Variants in RNGTT observed in about 807,000 individuals in gnomAD.
RNGTT encodes RNA guanylyltransferase and 5'-phosphatase.
Under a neutral mutation model 79.3 loss-of-function variants are expected in RNGTT, and 33 were observed. The observed-to-expected ratio is 0.42, with a 90% confidence interval of 0.32 to 0.56. The LOEUF (loss-of-function observed/expected upper bound fraction) is 0.56. Among genes scored for constraint, RNGTT ranks in the 20% least tolerant of loss-of-function variants. The pLI, the probability that RNGTT is intolerant of heterozygous loss-of-function variation, is 0.17. For synonymous variants in RNGTT, 222 were observed against 235.9 expected (o/e 0.94, Z 0.54); for missense variants, 497 against 739.1 (o/e 0.67, Z 3.80).
At chr6:88,900,227 C>T (rs1352351788) in intron 6 of RNGTT, among the ~76,000 whole-genome samples, 1 of 151,108 alleles carries the variant, frequency 6.6e-6, no homozygotes, top group Non-Finnish European at 1.5e-5. Context: ...ATTAGTTTTA[C>T]TTTTTATTTG....
chr6:88,749,559 G>A (rs1777776329), intron 13 of RNGTT, among the ~76,000 whole-genome samples: 1 of 151,698 alleles, frequency 6.6e-6, no homozygotes, highest in African/African-American at 2.4e-5. Flanking sequence ...AAAATAAGAT[G>A]GCAAAAATTC....
chr6:88,619,283 A>G (rs1484696562), intron 14 of RNGTT, among the ~76,000 whole-genome samples: 4 of 152,054 alleles, frequency 2.6e-5, no homozygotes, highest in Admixed American at 2.6e-4. Context: ...CTCCCGCCTC[A>G]GCCTCCCAAG....
intron 6 of RNGTT, among the ~76,000 whole-genome samples, chr6:88,897,017 G>A (rs1402875071): frequency 6.6e-6 from 1 of 152,064 alleles, no homozygotes; most frequent in African/African-American, 2.4e-5. Context: ...CATTGATTGA[G>A]TGCCGACAGC....
At chr6:88,667,040 A>G (rs1774439276) in intron 14 of RNGTT, among the ~76,000 whole-genome samples, 1 of 152,166 alleles carries the variant, frequency 6.6e-6, no homozygotes, top group Non-Finnish European at 1.5e-5. Flanking sequence ...GGTGGCAGTA[A>G]TGCATTGTAA....
At chr6:88,725,888 A>G (rs1361837055) in intron 13 of RNGTT, among the ~76,000 whole-genome samples, 1 of 152,092 alleles carries the variant, frequency 6.6e-6, no homozygotes, top group Non-Finnish European at 1.5e-5. Context: ...AGCAAAGAGG[A>G]AAGAGAAACT....
chr6:88,763,023 C>G (rs1778321879), intron 13 of RNGTT, among the ~76,000 whole-genome samples: 1 of 151,252 alleles, frequency 6.6e-6, no homozygotes, highest in African/African-American at 2.4e-5. Flanking sequence ...TCCCCAGGCT[C>G]AGGTGTTCCT....
chr6:88,749,265 C>A (rs1476556113), intron 13 of RNGTT, among the ~76,000 whole-genome samples: 1 of 151,910 alleles, frequency 6.6e-6, no homozygotes, highest in African/African-American at 2.4e-5. Flanking sequence ...GAAAAGCAAT[C>A]AAATATTGAC....
At chr6:88,877,414 T>C (rs1782551790) in intron 8 of RNGTT, among the ~76,000 whole-genome samples, 1 of 152,186 alleles carries the variant, frequency 6.6e-6, no homozygotes. Context: ...CCAAATCAGG[T>C]TAAAAATCAC....
intron 14 of RNGTT, among the ~76,000 whole-genome samples, chr6:88,673,608 C>T (rs912226289): frequency 1.3e-5 from 2 of 152,120 alleles, no homozygotes; most frequent in Non-Finnish European, 2.9e-5. Context: ...AAGAAAAGGA[C>T]ACCCTAAAAT....
rs1355985343 is a variant in RNGTT, at chr6:88,610,029, T to C, written c.*2690A>G. 6.6e-6 allele frequency among the ~76,000 whole-genome samples: 1 copy of C among 152,198 alleles called. No homozygotes were observed. The highest frequency in any genetic ancestry group is 1.5e-5 in the Non-Finnish European group (1 of 68,034). Reference sequence around the variant, plus strand: ...GAAGAGAAATAATATAAACATCATATAAAGATGTGCTTTCTCCCATTCCTC... The same window carrying C: ...GAAGAGAAATAATATAAACATCATACAAAGATGTGCTTTCTCCCATTCCTC... On this transcript the variant is annotated 3_prime_UTR_variant, in exon 16 of 16. Coordinates refer to ENST00000369485, the MANE Select transcript of RNGTT (RefSeq NM_003800.5).
intron 13 of RNGTT, among the ~76,000 whole-genome samples, chr6:88,765,222 CT>C (rs1256210078): frequency 6.7e-6 from 1 of 150,328 alleles, no homozygotes; most frequent in African/African-American, 2.4e-5. Flanking sequence ...ACATTTCATT[CT>C]TGTTTTAGAA....
intron 11 of RNGTT, among the ~76,000 whole-genome samples, chr6:88,840,133 T>C (rs1414636650): frequency 6.6e-6 from 1 of 152,184 alleles, no homozygotes; most frequent in African/African-American, 2.4e-5. Flanking sequence ...GAAAATGCTG[T>C]AAGGTTCGTA....
intron 8 of RNGTT, among the ~76,000 whole-genome samples, chr6:88,868,625 C>T (rs1274766074): frequency 1.3e-5 from 2 of 152,144 alleles, no homozygotes; most frequent in African/African-American, 4.8e-5. Flanking sequence ...TGCAATTATA[C>T]TTCATATTGT....
chr6:88,682,412 A>G (rs1775124397), intron 13 of RNGTT, among the ~76,000 whole-genome samples: 1 of 152,186 alleles, frequency 6.6e-6, no homozygotes, highest in Non-Finnish European at 1.5e-5. Flanking sequence ...CTACTATTAG[A>G]AAACAAACAA....
chr6:88,638,910 T>C (rs1773205025), intron 14 of RNGTT, among the ~76,000 whole-genome samples: 1 of 152,206 alleles, frequency 6.6e-6, no homozygotes, highest in Non-Finnish European at 1.5e-5. Flanking sequence ...TGTTGAAATA[T>C]GTAACTGTCT....
At chr6:88,856,668 C>T (rs1367519477) in intron 8 of RNGTT, among the ~76,000 whole-genome samples, 3 of 152,126 alleles carry the variant, frequency 2.0e-5, no homozygotes, top group Non-Finnish European at 4.4e-5. Context: ...CTTTGGAACA[C>T]AAGTTCCTGA....
chr6:88,894,515 T>C (rs1024867959), intron 6 of RNGTT, among the ~76,000 whole-genome samples: 2 of 152,158 alleles, frequency 1.3e-5, no homozygotes, highest in African/African-American at 4.8e-5. Context: ...TAGTTTTCCA[T>C]TGTTGTAGCT....
intron 4 of RNGTT, among the ~76,000 whole-genome samples, chr6:88,918,555 G>C (rs2127949086): frequency 6.6e-6 from 1 of 152,026 alleles, no homozygotes; most frequent in East Asian, 1.9e-4. Context: ...CACAAAGCTT[G>C]ACAATAATAG....
chr6:88,854,381 T>C (rs1202026789), intron 8 of RNGTT, among the ~76,000 whole-genome samples: 2 of 152,206 alleles, frequency 1.3e-5, no homozygotes, highest in African/African-American at 2.4e-5. Context: ...TTATGAGATC[T>C]TAAACATTGA....
Sources: allele counts gnomAD v4.1 joint callset (sites outside exome capture counted in the v4.1 genomes callset), GRCh38; gene constraint gnomAD v4.1.1; transcripts MANE v1.5; gene names NCBI Gene and HGNC (gene_info 2026-07-23, HGNC 2026-07-21).